ZUP1: variants seen among roughly 807,000 people sequenced by gnomAD.
The protein encoded by ZUP1 is zinc finger-containing ubiquitin peptidase 1.
A neutral mutation model predicts 68.1 loss-of-function variants in ZUP1; 55 were observed. That is an observed-to-expected ratio of 0.81 (90% CI 0.65 to 1.01). The LOEUF is 1.01. ZUP1 is among the 50% of genes least tolerant of loss of function. The pLI, the probability that ZUP1 is intolerant of heterozygous loss-of-function variation, is 0.00. For missense variants in ZUP1, 684 were observed against 674.9 expected, an observed-to-expected ratio of 1.01 and a Z score of -0.15; for synonymous variants, 223 against 221.5, an observed-to-expected ratio of 1.01 and a Z score of -0.06.
At chr6:116,646,740 A>C (rs1280542241) in intron 8 of ZUP1, among the ~76,000 whole-genome samples, 4 of 152,130 alleles carry the variant, frequency 2.6e-5, no homozygotes, top group African/African-American at 9.7e-5. Flanking sequence ...ACACCTGGCT[A>C]ATTTTCTTAT....
intron 9 of ZUP1, among the ~76,000 whole-genome samples, chr6:116,645,426 C>G (rs1776260412): frequency 6.6e-6 from 1 of 151,308 alleles, no homozygotes; most frequent in South Asian, 2.1e-4. Flanking sequence ...ACAAAAAATA[C>G]AAAAATTAGC....
In ZUP1 at chr6:116,645,768, A is replaced by C. The variant is rs778516641; in HGVS notation, c.1635T>G (p.His545Gln). 2 of 1,613,874 alleles carry C rather than the reference A, an allele frequency of 1.2e-6. No individual in the cohort carries two copies. Among genetic ancestry groups the C allele is most frequent in the Non-Finnish European group, 1.7e-6 (2 of 1,179,898 alleles). The change falls in exon 9 of 10, where the codon CAT becomes CAG. Residue 545 changes from histidine (H) to glutamine (Q), a missense_variant. Transcript: ENST00000368576. ...CTACTGCCAATATCTGGTATTGCTT[A>C]TGTTTTAAATTTCCCATAGATTTCC... ...QLRKSMGNLK[H>Q]KQYQILAVEG... is the part of the protein sequence containing the mutation.
chr6:116,640,292 A>C (rs909298383), intron 9 of ZUP1, among the ~76,000 whole-genome samples: 2 of 152,234 alleles, frequency 1.3e-5, no homozygotes, highest in African/African-American at 2.4e-5. Context: ...GAACTTCCCC[A>C]ATCTAGCAAG....
chr6:116,644,321 C>T (rs1020337032), intron 9 of ZUP1, among the ~76,000 whole-genome samples: 13 of 152,252 alleles, frequency 8.5e-5, no homozygotes, highest in Middle Eastern at 3.4e-3. Flanking sequence ...CCATTTGACC[C>T]AGCCATCCTA....
Position 116,660,818 on chromosome 6 carries a change from A to G in ZUP1, c.588T>C (p.Pro196=). Residue 196 remains proline (P), a synonymous_variant, in exon 3 of 10, where the codon CCT becomes CCC. Transcript: ENST00000368576. ...EDCDQPLYDC[P]MCGLICTNYH... ...AATTTGTACATATGAGCCCACACAT[A>G]GGACAATCATAGAGTGGTTGATCAC... The G allele has an allele frequency of 6.2e-7, 1 of 1,603,214 alleles. No individual in the cohort carries two copies. Among genetic ancestry groups the G allele is most frequent in the East Asian group, 2.2e-5 (1 of 44,694 alleles).
intron 9 of ZUP1, among the ~76,000 whole-genome samples, chr6:116,643,370 G>A (rs1252820283): frequency 3.3e-5 from 5 of 151,984 alleles, no homozygotes; most frequent in South Asian, 2.1e-4. Flanking sequence ...AAAAGAGCCC[G>A]CATCGCCAAG....
intron 2 of ZUP1, among the ~76,000 whole-genome samples, chr6:116,665,754 G>GT (rs557653411): frequency 0.21 from 26,196 of 127,416 alleles, 3,367 homozygotes; most frequent in African/African-American, 0.36. Flanking sequence ...TAGTTTTTTG[G>GT]TTTTTTTTTT....
intron 9 of ZUP1, among the ~76,000 whole-genome samples, chr6:116,638,923 C>T (rs1216837918): frequency 3.9e-5 from 6 of 152,202 alleles, no homozygotes; most frequent in African/African-American, 1.4e-4. Context: ...CAGGGAGTCC[C>T]CTTTCCTGGT....
intron 3 of ZUP1, among the ~76,000 whole-genome samples, chr6:116,659,616 GGAGAAA>G (rs1776775155): frequency 6.8e-6 from 1 of 146,254 alleles, no homozygotes; most frequent in Non-Finnish European, 1.5e-5. Flanking sequence ...AAATACTAGG[GGAGAAA>G]AAAAAAAAAA....
intron 9 of ZUP1, among the ~76,000 whole-genome samples, chr6:116,637,200 A>T (rs1039075872): frequency 6.6e-5 from 10 of 152,206 alleles, no homozygotes; most frequent in Non-Finnish European, 4.4e-5. Context: ...AACTGCCTAA[A>T]TTGGAATCCT....
At chr6:116,664,869 C>A (rs971801223) in intron 2 of ZUP1, among the ~76,000 whole-genome samples, 4 of 143,314 alleles carry the variant, frequency 2.8e-5, no homozygotes, top group African/African-American at 1.1e-4. Context: ...TACACATGTA[C>A]ACAAGTACAG....
At chr6:116,660,022 G>A (rs796974959) in intron 3 of ZUP1, among the ~76,000 whole-genome samples, 28 of 152,252 alleles carry the variant, frequency 1.8e-4, no homozygotes, top group African/African-American at 6.5e-4. Context: ...TAATATACGT[G>A]CTCATACAAA....
intron 3 of ZUP1, 31 bp from the exon 4 acceptor site, chr6:116,658,955 A>G: frequency 1.3e-6 from 2 of 1,555,320 alleles, no homozygotes; most frequent in Non-Finnish European, 1.7e-6. Flanking sequence ...TCAGAATAAA[A>G]TAACTGTTGC....
Position 116,667,805 on chromosome 6 carries a change from C to T in ZUP1, c.-15-598G>A, listed in dbSNP as rs1777056585. On this transcript the variant is annotated intron_variant, in intron 1 of 9. Coordinates refer to ENST00000368576, the MANE Select transcript of ZUP1 (RefSeq NM_145062.3). ...CCCGTCGTGCTCCACAGCCTGTACT[C>T]TCAGCCCCAAGAATAAAAGCAGAAG... Among the ~76,000 whole-genome samples, 3 of 152,122 alleles carry T rather than the reference C, an allele frequency of 2.0e-5. No individual in the cohort carries two copies. In the South Asian group the frequency reaches 6.2e-4, roughly 31 times the overall value.
At position 116,666,373 on chromosome 6, in the gene ZUP1, C is replaced by A. The variant is rs547111591; in HGVS notation, c.559+261G>T. ...AGTCCAGATGCTACTGGGTTAGTGA[C>A]AATAAAAAGAATACCCTCTGGAAAC... On this transcript the variant is annotated intron_variant, in intron 2 of 9. Transcript: ENST00000368576. Among the ~76,000 whole-genome samples the A allele has an allele frequency of 2.6e-5, 4 of 152,180 alleles. No individual in the cohort carries two copies. In the East Asian group the frequency reaches 7.7e-4, roughly 29 times the overall value.
intron 7 of ZUP1, among the ~76,000 whole-genome samples, 173 bp downstream of exon 7, chr6:116,651,399 C>T (rs1443416497): frequency 2.0e-5 from 3 of 152,250 alleles, no homozygotes; most frequent in South Asian, 4.1e-4. Context: ...AGAGACAGAA[C>T]TTGAGGGTAG....
chr6:116,644,492 T>C (rs1236407475), intron 9 of ZUP1, among the ~76,000 whole-genome samples: 6 of 152,152 alleles, frequency 3.9e-5, no homozygotes, highest in African/African-American at 1.2e-4. Context: ...ATATATACCA[T>C]GGAATACTAT....
chr6:116,644,837 GATAATA>G lies in ZUP1; in HGVS notation c.1689+871_1689+876del, dbSNP rs947586556. Among the ~76,000 whole-genome samples the G allele has an allele frequency of 3.3e-5, 5 of 149,558 alleles. No homozygotes were observed. In the South Asian group the frequency reaches 8.4e-4, roughly 25 times the overall value. On this transcript the variant is annotated intron_variant, in intron 9 of 9. Transcript: ENST00000368576. Reference sequence around the variant, plus strand: ...ACATGTACCCTAAAACTTAAAGTATGATAATAATAATAATAATAAATAATAAAAAAA... The same window carrying G: ...ACATGTACCCTAAAACTTAAAGTATGATAATAATAATAAATAATAAAAAAA...
At chr6:116,657,719 ACTTT>A (rs1356990676) in intron 4 of ZUP1, among the ~76,000 whole-genome samples, 1 of 152,214 alleles carries the variant, frequency 6.6e-6, no homozygotes, top group African/African-American at 2.4e-5. Flanking sequence ...TTAACTGAAC[ACTTT>A]CAAACCTATT....
Sources: gnomAD v4.1 joint callset for allele counts (sites outside exome capture counted in the v4.1 genomes callset) on GRCh38, gnomAD v4.1.1 for gene constraint, MANE v1.5 for transcripts, NCBI Gene and HGNC (gene_info 2026-07-23, HGNC 2026-07-21) for gene names.